Variants in RARB observed in about 807,000 individuals in gnomAD.
RARB encodes the protein HBV-activated protein.
RARB carries 17 observed loss-of-function variants against 51.9 expected under a neutral mutation model. The ratio of observed to expected loss-of-function variants is 0.33; its 90% CI spans 0.22 to 0.49. The LOEUF (loss-of-function observed/expected upper bound fraction) is 0.49, where lower values mean the gene tolerates loss of function less well. RARB is among the 20% of genes least tolerant of loss of function. The pLI, the probability that RARB is intolerant of heterozygous loss-of-function variation, is 0.99. For synonymous variants in RARB, 215 were observed against 195.4 expected, an observed-to-expected ratio of 1.10 and a Z score of -0.84; for missense variants, 369 against 550.8, an observed-to-expected ratio of 0.67 and a Z score of 3.30.
intron 5 of RARB, among the ~76,000 whole-genome samples, chr3:25,336,910 G>A (rs1357950770): frequency 1.3e-5 from 2 of 152,164 alleles, no homozygotes; most frequent in African/African-American, 4.8e-5. Flanking sequence ...CCTACTCTGA[G>A]GCTTAAGGGA....
At position 25,005,011 on chromosome 3, in the gene RARB, C is replaced by T. The variant is rs188628450; in HGVS notation, c.-379-55114C>T. Among the ~76,000 whole-genome samples the T allele has an allele frequency of 3.9e-5, 6 of 152,130 alleles. No individual in the cohort carries two copies. The East Asian group carries it at 1.2e-3, about 29-fold the overall frequency. ...TGTAGTCATTCTTGATTCCTTTTTC[C>T]CATACCCTACATCAAATTTATAAAA... On this transcript the variant is annotated intron_variant, in intron 2 of 11. Coordinates refer to the RARB transcript ENST00000383772.
chr3:25,333,542 A>G (rs1465091430), intron 5 of RARB, among the ~76,000 whole-genome samples: 1 of 152,172 alleles, frequency 6.6e-6, no homozygotes, highest in Non-Finnish European at 1.5e-5. Context: ...TGGATTAAAG[A>G]CTTAAATGTT....
At chr3:24,896,483 T>TCTCCTGAC (rs1048966659) in intron 2 of RARB, among the ~76,000 whole-genome samples, 16 of 152,108 alleles carry the variant, frequency 1.1e-4, no homozygotes, top group African/African-American at 3.9e-4. Flanking sequence ...ATGGTCTCGA[T>TCTCCTGAC]CTCCTGACCT....
intron 5 of RARB, among the ~76,000 whole-genome samples, chr3:25,179,576 C>A (rs183268976): frequency 6.6e-6 from 1 of 152,258 alleles, no homozygotes; most frequent in Non-Finnish European, 1.5e-5. Context: ...TAAGACACTT[C>A]TTGGGAATTT....
At chr3:24,837,235 A>G in intron 1 of RARB, among the ~76,000 whole-genome samples, 1 of 152,258 alleles carries the variant, frequency 6.6e-6, no homozygotes, top group East Asian at 1.9e-4. Context: ...TAATGTGGTC[A>G]TCTGCAACTG....
At chr3:24,998,267 C>T (rs921697643) in intron 2 of RARB, among the ~76,000 whole-genome samples, 1 of 140,848 alleles carries the variant, frequency 7.1e-6, no homozygotes, top group Non-Finnish European at 1.5e-5. Context: ...GGCCTTTTGA[C>T]TTGTAGTTTG....
chr3:24,961,699 GA>G (rs967362128), intron 2 of RARB, among the ~76,000 whole-genome samples: 2 of 152,124 alleles, frequency 1.3e-5, no homozygotes, highest in Non-Finnish European at 2.9e-5. Flanking sequence ...TCAGAACAGG[GA>G]ATTAATGTCA....
chr3:25,576,153 C>G (rs569474297), intron 4 of RARB, among the ~76,000 whole-genome samples: 4 of 152,196 alleles, frequency 2.6e-5, no homozygotes, highest in African/African-American at 7.2e-5. Context: ...GGAGGCAGAG[C>G]TAAGTTTGAG....
intron 1 of RARB, among the ~76,000 whole-genome samples, chr3:24,843,752 C>G (rs568824667): frequency 2.6e-5 from 4 of 152,274 alleles, no homozygotes; most frequent in African/African-American, 9.6e-5. Context: ...TGCAATTTAA[C>G]AAGATACCCA....
At chr3:24,858,221 C>A (rs1227615819) in intron 1 of RARB, among the ~76,000 whole-genome samples, 1 of 152,028 alleles carries the variant, frequency 6.6e-6, no homozygotes, top group Non-Finnish European at 1.5e-5. Context: ...AAGAAGATTA[C>A]AACATGTTTT....
intron 3 of RARB, among the ~76,000 whole-genome samples, chr3:25,128,412 T>C (rs932350622): frequency 1.3e-4 from 19 of 148,982 alleles, no homozygotes; most frequent in South Asian, 2.1e-4. Context: ...CAAATAATTA[T>C]ACAAAATTAT....
chr3:25,265,786 C>G (rs1036295712), intron 5 of RARB, among the ~76,000 whole-genome samples: 2 of 152,102 alleles, frequency 1.3e-5, no homozygotes, highest in Admixed American at 6.6e-5. Flanking sequence ...AATTTTTAAT[C>G]TTACAATTCT....
At chr3:25,066,298 G>A (rs758429346) in intron 3 of RARB, among the ~76,000 whole-genome samples, 2 of 152,194 alleles carry the variant, frequency 1.3e-5, no homozygotes, top group Non-Finnish European at 2.9e-5. Context: ...GGATGTCAAT[G>A]TCTGGTACTC....
At chr3:24,982,501 G>A (rs915620030) in intron 2 of RARB, among the ~76,000 whole-genome samples, 8 of 152,194 alleles carry the variant, frequency 5.3e-5, no homozygotes, top group African/African-American at 1.2e-4. Flanking sequence ...GAGTAGAATG[G>A]GGTAGTCCAG....
chr3:25,507,100 C>A (rs79383693), intron 3 of RARB, among the ~76,000 whole-genome samples: 5,959 of 152,368 alleles, frequency 0.039, 143 homozygotes, highest in Non-Finnish European at 0.053. Context: ...GCTCCATGAA[C>A]CGCAAACTTA....
At chr3:25,058,387 C>G (rs1346525798) in intron 2 of RARB, among the ~76,000 whole-genome samples, 3 of 151,712 alleles carry the variant, frequency 2.0e-5, no homozygotes, top group Non-Finnish European at 4.4e-5. Context: ...AAGGAACTGA[C>G]CAATCTAATG....
intron 5 of RARB, among the ~76,000 whole-genome samples, chr3:25,252,974 A>G (rs1702766947): frequency 6.6e-6 from 1 of 151,902 alleles, no homozygotes; most frequent in Non-Finnish European, 1.5e-5. Context: ...GGTAATATGC[A>G]CTCTCTCCCT....
intron 4 of RARB, among the ~76,000 whole-genome samples, chr3:25,151,766 C>G (rs1280812129): frequency 6.6e-6 from 1 of 152,156 alleles, no homozygotes; most frequent in Non-Finnish European, 1.5e-5. Flanking sequence ...GAACACGTCT[C>G]AAAGGAATGT....
chr3:25,216,217 C>G (rs1701828945), intron 5 of RARB, among the ~76,000 whole-genome samples: 1 of 152,108 alleles, frequency 6.6e-6, no homozygotes, highest in African/African-American at 2.4e-5. Flanking sequence ...TAAACACAAT[C>G]CTCTCCCCCA....
Sources: gnomAD v4.1 joint callset for allele counts (sites outside exome capture counted in the v4.1 genomes callset) on GRCh38, gnomAD v4.1.1 for gene constraint, MANE v1.5 for transcripts, NCBI Gene and HGNC (gene_info 2026-07-23, HGNC 2026-07-21) for gene names.